SLC34A2: variants seen among roughly 807,000 people sequenced by gnomAD.
SLC34A2 encodes the protein sodium-dependent phosphate transport protein 2B.
SLC34A2 carries 41 observed loss-of-function variants against 50.8 expected under a neutral mutation model. The ratio of observed to expected loss-of-function variants is 0.81; its 90% CI spans 0.63 to 1.05. SLC34A2 has a LOEUF of 1.05. SLC34A2 is among the 50% of genes least tolerant of loss of function. SLC34A2 has a pLI of 0.00. For synonymous variants in SLC34A2, 401 were observed against 364.2 expected (o/e 1.10, Z -1.15); for missense variants, 879 against 876.7 (o/e 1.00, Z -0.03).
Position 25,667,893 on chromosome 4 carries a change from G to A in SLC34A2, c.537G>A (p.Arg179=). 1 of 1,612,696 alleles carries A rather than the reference G, an allele frequency of 6.2e-7. No individual in the cohort carries two copies. Among genetic ancestry groups the A allele is most frequent in the Non-Finnish European group, 8.5e-7 (1 of 1,178,730 alleles). Residue 179 remains arginine, a synonymous_variant, in exon 6 of 13, where the codon CGG becomes CGA. Coordinates refer to ENST00000382051, the MANE Select transcript of SLC34A2 (RefSeq NM_006424.3). ...SMVSSSLLTV[R]AAIPIIMGAN... ...TCCATCCTCTAGTGCTCACTGTTCG[G>A]GCTGCCATCCCCATTATCATGGGGG...
At position 25,674,390 on chromosome 4, in the gene SLC34A2, G is replaced by A. The variant is rs116034603; in HGVS notation, c.1311G>A (p.Thr437=). Residue 437 remains threonine (T), a synonymous_variant, in exon 11 of 13, where the codon ACG becomes ACA. Coordinates refer to ENST00000382051, the MANE Select transcript of SLC34A2 (RefSeq NM_006424.3). Reference sequence around the variant, plus strand: ...TCGTACAGAGCAGCTCTGTGTTCACGTCGGCCTTGACCCCCCTGATTGGTG... The same window carrying A: ...TCGTACAGAGCAGCTCTGTGTTCACATCGGCCTTGACCCCCCTGATTGGTG... ...TFIVQSSSVF[T]SALTPLIGIG... 4.3e-5 allele frequency: 69 copies of A among 1,614,160 alleles called. No individual in the cohort carries two copies. Among genetic ancestry groups the A allele is most frequent in the Middle Eastern group, 3.3e-4 (2 of 6,062 alleles).
At chr4:25,667,788 A>G (rs936405984) in intron 5 of SLC34A2, 92 bp from the exon 6 acceptor site, 2 of 811,076 alleles carry the variant, frequency 2.5e-6, no homozygotes, top group African/African-American at 3.4e-5. Context: ...GAGGATAAAA[A>G]CTACTTCTTT....
At position 25,673,133 on chromosome 4, in the gene SLC34A2, C is replaced by T; in HGVS notation, c.1095C>T (p.Gly365=). 6.2e-7 allele frequency: 1 copy of T among 1,614,142 alleles called. No individual in the cohort carries two copies. The highest frequency in any genetic ancestry group is 1.3e-5 in the African/African-American group (1 of 75,032). ...VNFHLPDLAV[G]TILLILSLLV... is the part of the protein sequence containing the mutation. ...TCCACCTCCCGGATCTTGCTGTGGG[C>T]ACCATCTTGCTCATACTCTCCCTGC... Residue 365 remains glycine, a synonymous_variant, in exon 10 of 13, where the codon GGC becomes GGT. Transcript: ENST00000382051.
Position 25,678,506 on chromosome 4 carries a change from T to C in SLC34A2, c.*1757T>C, listed in dbSNP as rs73809810. The C allele has an allele frequency of 0.011, 1,883 of 177,774 alleles. 37 individuals carry two copies. The highest frequency in any genetic ancestry group is 0.042 in the African/African-American group (1,776 of 42,326). 11.0% of individuals were successfully genotyped at this position (177,774 alleles called of 1,614,324 possible). On this transcript the variant is annotated 3_prime_UTR_variant, in exon 13 of 13. Coordinates refer to ENST00000382051, the MANE Select transcript of SLC34A2 (RefSeq NM_006424.3). ...CGGGCAGGGGCTGTGGCCGTCTTTG[T>C]ACTCTGGTGATTTTTAAAAATTGAA... is the stretch of plus-strand genomic sequence containing the variant.
chr4:25,663,714 A>G (rs1000480012), intron 3 of SLC34A2, among the ~76,000 whole-genome samples: 1 of 152,192 alleles, frequency 6.6e-6, no homozygotes, highest in Admixed American at 6.5e-5. Flanking sequence ...GCACTTAAGG[A>G]TGTAGCATCC....
chr4:25,673,993 C>T (rs1416920688), intron 10 of SLC34A2, among the ~76,000 whole-genome samples: 1 of 151,212 alleles, frequency 6.6e-6, no homozygotes, highest in Non-Finnish European at 1.5e-5. Context: ...GGCGAGGAAG[C>T]ATGCTCTCAG....
chr4:25,657,879 C>T (rs1713973266), intron 1 of SLC34A2, among the ~76,000 whole-genome samples: 1 of 152,168 alleles, frequency 6.6e-6, no homozygotes, highest in Non-Finnish European at 1.5e-5. Context: ...AGGTGTGAGC[C>T]ACCACCCTTA....
chr4:25,671,737 T>C lies in SLC34A2; in HGVS notation c.1048+16T>C, dbSNP rs1714827969. 4 of 1,614,038 alleles carry C rather than the reference T, an allele frequency of 2.5e-6. No individual in the cohort carries two copies. In the East Asian group the frequency reaches 8.9e-5, roughly 36 times the overall value. On this transcript the variant is annotated intron_variant, in intron 9 of 12. Coordinates refer to ENST00000382051, the MANE Select transcript of SLC34A2 (RefSeq NM_006424.3). Reference sequence around the variant, plus strand: ...ATCGCCAAATGTGAGTGGAGCTCAGTGGATTGGCCACTATGACAGGTGTTG... The same window carrying C: ...ATCGCCAAATGTGAGTGGAGCTCAGCGGATTGGCCACTATGACAGGTGTTG...
chr4:25,670,929 G>A, intron 8 of SLC34A2, 96 bp downstream of exon 8: 1 of 1,030,286 alleles, frequency 9.7e-7, no homozygotes, highest in Non-Finnish European at 1.5e-6. Flanking sequence ...TAGAAAGTCA[G>A]GGGAAAGAAA....
At chr4:25,664,627 T>C (rs1714393201) in intron 4 of SLC34A2, among the ~76,000 whole-genome samples, 1 of 152,216 alleles carries the variant, frequency 6.6e-6, no homozygotes, top group Non-Finnish European at 1.5e-5. Context: ...TTGTCTGACA[T>C]ACAGACTTAG....
At chr4:25,672,299 C>T (rs1380022460) in intron 9 of SLC34A2, among the ~76,000 whole-genome samples, 6 of 152,096 alleles carry the variant, frequency 3.9e-5, no homozygotes, top group African/African-American at 4.8e-5. Context: ...TTTAGGGAGA[C>T]GACAACCCGA....
At position 25,669,772 on chromosome 4, in the gene SLC34A2, T is replaced by G; in HGVS notation, c.761T>G (p.Phe254Cys). The G allele has an allele frequency of 6.2e-7, 1 of 1,614,136 alleles. No homozygotes were observed. The highest frequency in any genetic ancestry group is 8.5e-7 in the Non-Finnish European group (1 of 1,180,008). ...ITQLIVESFH[F>C]KNGEDAPDLL... is the part of the protein sequence containing the mutation. ...CAGCTTATAGTGGAGAGCTTCCACT[T>G]CAAGAATGGAGAAGATGCCCCAGAT... Residue 254 changes from phenylalanine to cysteine, a missense_variant, in exon 7 of 13, where the codon TTC becomes TGC. Physicochemically the swap from Phe to Cys is radical, Grantham distance 205. Transcript: ENST00000382051.
intron 1 of SLC34A2, among the ~76,000 whole-genome samples, chr4:25,661,652 T>C (rs193049194): frequency 6.6e-6 from 1 of 151,986 alleles, no homozygotes; most frequent in Non-Finnish European, 1.5e-5. Context: ...CCTCCTAAGG[T>C]GTTGGAGTTA....
Position 25,676,897 on chromosome 4 carries a change from C to A in SLC34A2, c.*148C>A. On this transcript the variant is annotated 3_prime_UTR_variant, in exon 13 of 13. Coordinates refer to ENST00000382051, the MANE Select transcript of SLC34A2 (RefSeq NM_006424.3). ...GATGCAGTCCTACCTAACTCGATTC[C>A]CTTTGGCTTGGTGGTAGGCCTGCAG... is the stretch of plus-strand genomic sequence containing the variant. The A allele has an allele frequency of 1.9e-6, 2 of 1,080,680 alleles. No individual in the cohort carries two copies. Among genetic ancestry groups the A allele is most frequent in the Non-Finnish European group, 2.5e-6 (2 of 794,760 alleles). 66.9% of individuals were successfully genotyped at this position (1,080,680 alleles called of 1,614,324 possible).
At chr4:25,667,438 G>A (rs1171250157) in intron 5 of SLC34A2, among the ~76,000 whole-genome samples, 2 of 152,232 alleles carry the variant, frequency 1.3e-5, no homozygotes, top group Non-Finnish European at 2.9e-5. Context: ...CTTTAACCTG[G>A]GAGGTAGAGG....
chr4:25,677,111 G>A lies in SLC34A2; in HGVS notation c.*362G>A. ...TTCAGAAAGAAAAGGCCCAGGGAAG[G>A]AATGTATGAGAGGCTCTCCCAGATG... On this transcript the variant is annotated 3_prime_UTR_variant, in exon 13 of 13. Coordinates refer to ENST00000382051, the MANE Select transcript of SLC34A2 (RefSeq NM_006424.3). 3.5e-6 allele frequency: 1 copy of A among 289,038 alleles called. No homozygotes were observed. Among genetic ancestry groups the A allele is most frequent in the East Asian group, 7.7e-5 (1 of 13,030 alleles). The allele number at this position is 289,038 out of a possible 1,614,324, so 17.9% of individuals were successfully genotyped here. A position where few individuals can be genotyped will look rare whatever the true frequency, so the allele number is the denominator to read the frequency against.
intron 8 of SLC34A2, among the ~76,000 whole-genome samples, chr4:25,671,372 C>T (rs1243476817): frequency 1.3e-5 from 2 of 152,054 alleles, no homozygotes; most frequent in Non-Finnish European, 1.5e-5. Flanking sequence ...CTAGAATAAA[C>T]AAAGTAGATG....
At chr4:25,656,811 G>A (rs1382898359) in intron 1 of SLC34A2, among the ~76,000 whole-genome samples, 1 of 152,136 alleles carries the variant, frequency 6.6e-6, no homozygotes, top group Non-Finnish European at 1.5e-5. Context: ...TTCATCACTC[G>A]AGTCCCCTCT....
chr4:25,668,604 T>C (rs929954684), intron 6 of SLC34A2, among the ~76,000 whole-genome samples: 4 of 150,566 alleles, frequency 2.7e-5, no homozygotes, highest in Non-Finnish European at 4.4e-5. Context: ...ATCGTGCCAC[T>C]GCACTCCAGC....
Sources: allele counts gnomAD v4.1 joint callset (sites outside exome capture counted in the v4.1 genomes callset), GRCh38; gene constraint gnomAD v4.1.1; transcripts MANE v1.5; gene names NCBI Gene and HGNC (gene_info 2026-07-23, HGNC 2026-07-21).